Variants in PARD3 observed in about 807,000 individuals in gnomAD.
PARD3 encodes partitioning defective 3 homolog.
In PARD3, 75 loss-of-function variants were observed where a neutral mutation model predicts 155.4. The ratio of observed to expected loss-of-function variants is 0.48; its 90% CI spans 0.40 to 0.58. The LOEUF (loss-of-function observed/expected upper bound fraction) is 0.58. Among genes scored for constraint, PARD3 ranks in the 20% least tolerant of loss-of-function variants. PARD3 has a pLI of 0.00. For missense variants in PARD3, 1,642 were observed against 1,721.7 expected, an observed-to-expected ratio of 0.95 and a Z score of 0.82; for synonymous variants, 576 against 610.5, an observed-to-expected ratio of 0.94 and a Z score of 0.83.
At chr10:34,735,404 G>A (rs530463204) in intron 1 of PARD3, among the ~76,000 whole-genome samples, 1 of 152,260 alleles carries the variant, frequency 6.6e-6, no homozygotes, top group South Asian at 2.1e-4. Flanking sequence ...ATGCAATAAC[G>A]ATTACAGGAC....
chr10:34,700,636 TG>T (rs2094257298), intron 1 of PARD3, among the ~76,000 whole-genome samples: 1 of 152,306 alleles, frequency 6.6e-6, no homozygotes, highest in Admixed American at 6.5e-5. Context: ...AAGCATTGCA[TG>T]AAGGCAAAGA....
At chr10:34,510,702 A>T (rs1489172717) in intron 3 of PARD3, among the ~76,000 whole-genome samples, 1 of 152,126 alleles carries the variant, frequency 6.6e-6, no homozygotes, top group African/African-American at 2.4e-5. Flanking sequence ...ATTTTTTTTT[A>T]AAGTACCTTT....
At chr10:34,131,233 T>C (rs1947593748) in intron 23 of PARD3, among the ~76,000 whole-genome samples, 2 of 152,204 alleles carry the variant, frequency 1.3e-5, no homozygotes, top group Non-Finnish European at 2.9e-5. Context: ...TGTCTTGTCA[T>C]AAGGCTAGTG....
At chr10:34,411,956 G>C (rs932170129) in intron 5 of PARD3, among the ~76,000 whole-genome samples, 2 of 113,998 alleles carry the variant, frequency 1.8e-5, no homozygotes, top group African/African-American at 6.8e-5. Flanking sequence ...GTGTGTGTGT[G>C]TGTGTGTATT....
chr10:34,454,880 A>G (rs1245766029), intron 4 of PARD3, among the ~76,000 whole-genome samples: 1 of 152,278 alleles, frequency 6.6e-6, no homozygotes, highest in South Asian at 2.1e-4. Context: ...TATCCTGGCT[A>G]TGGAGAAAAT....
chr10:34,115,693 G>A (rs543925188), intron 24 of PARD3, among the ~76,000 whole-genome samples: 7 of 150,818 alleles, frequency 4.6e-5, no homozygotes, highest in African/African-American at 1.7e-4. Context: ...ATTATAAACT[G>A]TCAATTTATA....
intron 2 of PARD3, among the ~76,000 whole-genome samples, chr10:34,681,734 ATATAT>A (rs1485195843): frequency 3.9e-4 from 4 of 10,290 alleles, no homozygotes; most frequent in African/African-American, 1.6e-3. Flanking sequence ...TGTATTTTAT[ATATAT>A]ATATATATAT....
At chr10:34,434,719 G>C (rs769380388) in intron 5 of PARD3, among the ~76,000 whole-genome samples, 16 of 152,132 alleles carry the variant, frequency 1.1e-4, no homozygotes, top group Non-Finnish European at 1.9e-4. Context: ...AGGGATGAAT[G>C]AATTTAAAAA....
At chr10:34,312,175 C>T (rs1957734830) in intron 20 of PARD3, 1 of 1,141,042 alleles carries the variant, frequency 8.8e-7, no homozygotes, top group Non-Finnish European at 1.2e-6. Context: ...AATCAAGATC[C>T]AAAAGTTCCA....
intron 5 of PARD3, among the ~76,000 whole-genome samples, chr10:34,444,066 G>C (rs2076610678): frequency 6.6e-6 from 1 of 152,160 alleles, no homozygotes; most frequent in South Asian, 2.1e-4. Flanking sequence ...TTGATGGAGA[G>C]AGCCCTAAAA....
chr10:34,757,573 C>A (rs1388816511), intron 1 of PARD3, among the ~76,000 whole-genome samples: 1 of 151,834 alleles, frequency 6.6e-6, no homozygotes. Flanking sequence ...TAGCCAGGCA[C>A]GGTGGCTCAC....
At chr10:34,708,489 TTAAG>T (rs1251656079) in intron 1 of PARD3, among the ~76,000 whole-genome samples, 27 of 152,290 alleles carry the variant, frequency 1.8e-4, no homozygotes, top group African/African-American at 6.3e-4. Flanking sequence ...AAATGTATGC[TTAAG>T]TAATAAGGGT....
chr10:34,393,997 C>T (rs1320607592), intron 7 of PARD3, among the ~76,000 whole-genome samples: 1 of 151,884 alleles, frequency 6.6e-6, no homozygotes, highest in East Asian at 1.9e-4. Flanking sequence ...ATCACCACGC[C>T]CAGCTAATTT....
chr10:34,668,912 C>T (rs989043979), intron 2 of PARD3, among the ~76,000 whole-genome samples: 11 of 152,056 alleles, frequency 7.2e-5, no homozygotes, highest in African/African-American at 2.2e-4. Flanking sequence ...CATTTCCATT[C>T]CATTCATTCA....
intron 1 of PARD3, among the ~76,000 whole-genome samples, chr10:34,788,936 G>A (rs1475575743): frequency 2.0e-5 from 3 of 152,184 alleles, no homozygotes; most frequent in African/African-American, 7.2e-5. Context: ...AACTGGCCAA[G>A]TGCAGAAACT....
chr10:34,606,315 G>C (rs2090431901), intron 2 of PARD3, among the ~76,000 whole-genome samples: 2 of 150,836 alleles, frequency 1.3e-5, no homozygotes, highest in Non-Finnish European at 2.9e-5. Flanking sequence ...GGCAGTATAG[G>C]CACCACAAAC....
chr10:34,692,169 T>C (rs548796735), intron 2 of PARD3, among the ~76,000 whole-genome samples: 28 of 151,008 alleles, frequency 1.9e-4, no homozygotes, highest in African/African-American at 6.3e-4. Context: ...GAGGCAGAGG[T>C]TGCAGTGAGC....
intron 20 of PARD3, among the ~76,000 whole-genome samples, chr10:34,306,980 G>A (rs1022053238): frequency 1.3e-5 from 2 of 151,806 alleles, no homozygotes; most frequent in Non-Finnish European, 2.9e-5. Flanking sequence ...TCCGCCTCCT[G>A]GGTTCACACC....
intron 3 of PARD3, among the ~76,000 whole-genome samples, chr10:34,501,928 G>T (rs935734578): frequency 7.9e-5 from 12 of 152,234 alleles, no homozygotes; most frequent in Admixed American, 2.6e-4. Context: ...GGGGCCTTGT[G>T]GGAAGCTGTG....
Sources: allele counts gnomAD v4.1 joint callset (sites outside exome capture counted in the v4.1 genomes callset), GRCh38; gene constraint gnomAD v4.1.1; transcripts MANE v1.5; gene names NCBI Gene and HGNC (gene_info 2026-07-23, HGNC 2026-07-21).